The following PIGF variants were observed in gnomAD, a reference collection of about 807,000 sequenced individuals.
PIGF encodes the protein GPI ethanolamine phosphate transferase, stabilizing subunit.
Under a neutral mutation model 26.0 loss-of-function variants are expected in PIGF, and 23 were observed. The observed-to-expected ratio is 0.88, with a 90% confidence interval of 0.64 to 1.25. The LOEUF (loss-of-function observed/expected upper bound fraction) is 1.25. Ranked by LOEUF, PIGF falls within the 50% of genes most tolerant of loss-of-function variation. The pLI, the probability that PIGF is intolerant of heterozygous loss-of-function variation, is 0.00. For missense variants in PIGF, 278 were observed against 249.9 expected (o/e 1.11, Z -0.76); for synonymous variants, 93 against 92.6 (o/e 1.00, Z -0.03).
intron 1 of PIGF, chr2:46,615,676 C>CAGT (rs1670595057): frequency 6.4e-6 from 1 of 155,262 alleles, no homozygotes; most frequent in Non-Finnish European, 1.4e-5. Flanking sequence ...TCTAACATTA[C>CAGT]AGTAGTTCAC....
Position 46,610,676 on chromosome 2 carries a change from C to A in PIGF, c.437+1552G>T, listed in dbSNP as rs528630901. ...TCCCAAGTAGCTGGGACTACAGGCA[C>A]CCGCCACCACACCCAGCTAATTTTT... On this transcript the variant is annotated intron_variant, in intron 4 of 5. Transcript: ENST00000281382. Among the ~76,000 whole-genome samples, 10 of 152,006 alleles carry A rather than the reference C, an allele frequency of 6.6e-5. No homozygotes were observed. In the East Asian group the frequency reaches 1.7e-3, roughly 27 times the overall value.
At chr2:46,609,807 T>C (rs948782403) in intron 4 of PIGF, among the ~76,000 whole-genome samples, 2 of 152,128 alleles carry the variant, frequency 1.3e-5, no homozygotes, top group Admixed American at 6.6e-5. Flanking sequence ...GTATGAGCCA[T>C]GGTGCCCCAA....
intron 4 of PIGF, among the ~76,000 whole-genome samples, chr2:46,610,823 C>A (rs748850181): frequency 1.2e-4 from 18 of 152,200 alleles, no homozygotes; most frequent in Admixed American, 2.0e-4. Context: ...AGCCACCACA[C>A]TCGTCCCAAA....
In PIGF at chr2:46,589,677, CTA is replaced by C. The variant is rs1172330783; in HGVS notation, c.546+2796_546+2797del. Among the ~76,000 whole-genome samples the C allele has an allele frequency of 3.3e-5, 5 of 151,942 alleles. No homozygotes were observed. The highest frequency in any genetic ancestry group is 5.9e-5 in the Non-Finnish European group (4 of 67,910). Reference sequence around the variant, plus strand: ...GAACAAGAATCTCTTAATACATGTTCTATTTTAGATAATAAAGTGTATACTGT... The same window carrying C: ...GAACAAGAATCTCTTAATACATGTTCTTTTAGATAATAAAGTGTATACTGT... On this transcript the variant is annotated intron_variant, in intron 5 of 5. Transcript: ENST00000281382. The surrounding 1 kb of genome is among the most constrained non-coding windows in gnomAD (Gnocchi z 4.7).
intron 4 of PIGF, among the ~76,000 whole-genome samples, chr2:46,601,906 G>C (rs1180317629): frequency 6.6e-6 from 1 of 151,856 alleles, no homozygotes; most frequent in Non-Finnish European, 1.5e-5. Flanking sequence ...CACCAAAAGT[G>C]ATCAACTTCT....
chr2:46,593,945 C>T (rs567499360), intron 4 of PIGF, among the ~76,000 whole-genome samples: 26 of 152,344 alleles, frequency 1.7e-4, no homozygotes, highest in Non-Finnish European at 3.5e-4. Context: ...CCCAACTACA[C>T]AAGATAAGAG....
At chr2:46,613,305 TG>T (rs1299969301) in intron 3 of PIGF, among the ~76,000 whole-genome samples, 1 of 152,188 alleles carries the variant, frequency 6.6e-6, no homozygotes, top group Non-Finnish European at 1.5e-5. Context: ...AGGAATCTAT[TG>T]ACTTTTGTTA....
chr2:46,603,868 A>T (rs1192406785), intron 4 of PIGF, among the ~76,000 whole-genome samples: 1 of 152,122 alleles, frequency 6.6e-6, no homozygotes, highest in Non-Finnish European at 1.5e-5. Context: ...GAATCACATC[A>T]AGTTAAAAAG....
At chr2:46,587,531 T>C (rs1669614826) in intron 5 of PIGF, among the ~76,000 whole-genome samples, 1 of 152,328 alleles carries the variant, frequency 6.6e-6, no homozygotes, top group Admixed American at 6.5e-5. Context: ...AAAACAACTT[T>C]AAATTGTTTC....
chr2:46,590,469 G>A (rs1451702841), intron 5 of PIGF, among the ~76,000 whole-genome samples: 1 of 151,994 alleles, frequency 6.6e-6, no homozygotes, highest in African/African-American at 2.4e-5. Flanking sequence ...AAACAGAAAA[G>A]ACTTAAATTA....
rs187693057 is a variant in PIGF, at chr2:46,616,828, C to T, written c.-22+142G>A. On this transcript the variant is annotated intron_variant, in intron 1 of 5. Coordinates refer to ENST00000281382, the MANE Select transcript of PIGF (RefSeq NM_002643.4). ...CGGATCCGAAAGGGGGTCTGTCCAT[C>T]AGGGCACGCCGGAAGAGTGGCGCTG... The T allele has an allele frequency of 7.2e-4, 182 of 251,864 alleles. 1 individual carries two copies. The highest frequency in any genetic ancestry group is 3.9e-3 in the African/African-American group (167 of 43,180). 15.6% of individuals were successfully genotyped at this position (251,864 alleles called of 1,614,324 possible).
intron 1 of PIGF, chr2:46,616,329 G>C (rs1209382918): frequency 6.6e-6 from 1 of 152,252 alleles, no homozygotes; most frequent in Non-Finnish European, 1.5e-5. Context: ...AGCTGATTGA[G>C]GGAGGGCAAG....
In PIGF at chr2:46,581,585, G is replaced by A. The variant is rs1326891681; in HGVS notation, c.553C>T (p.Pro185Ser). ...GTCGCTCCAAGCGTACAGGAGATGG[G>A]CCATACCTGAGGAGAGAATGTATGA... ...LDWERPWQVWPISCTLGATFG... is the reference protein window; with the variant it reads ...LDWERPWQVWSISCTLGATFG... Residue 185 changes from proline (P) to serine (S), a missense_variant, in exon 6 of 6, where the codon CCC (proline) becomes TCC (serine). Coordinates refer to ENST00000281382, the MANE Select transcript of PIGF (RefSeq NM_002643.4). The A allele has an allele frequency of 6.2e-7, 1 of 1,611,004 alleles. No homozygotes were observed. The highest frequency in any genetic ancestry group is 8.5e-7 in the Non-Finnish European group (1 of 1,179,284).
chr2:46,581,486 T>G lies in PIGF; in HGVS notation c.652A>C (p.Asn218His). ...ATCTCCCTTTGCTCCAGTTAATTGTTCTTGTATGTAAGTTGCTTTCTATTC... is the reference window on the plus strand; with the variant it reads ...ATCTCCCTTTGCTCCAGTTAATTGTGCTTGTATGTAAGTTGCTTTCTATTC... ...YWNRKQLTYK[N>H]N Residue 218 changes from asparagine (N) to histidine (H), a missense_variant, in exon 6 of 6, where the codon AAC (asparagine) becomes CAC (histidine). By Grantham distance (68) the Asn-to-His change is moderately conservative. Transcript: ENST00000281382. The G allele has an allele frequency of 6.2e-7, 1 of 1,611,090 alleles. No individual in the cohort carries two copies. Among genetic ancestry groups the G allele is most frequent in the Non-Finnish European group, 8.5e-7 (1 of 1,179,332 alleles).
At chr2:46,609,368 C>G (rs932430825) in intron 4 of PIGF, among the ~76,000 whole-genome samples, 2 of 152,248 alleles carry the variant, frequency 1.3e-5, no homozygotes, top group Admixed American at 6.5e-5. Context: ...TTTGATCTTT[C>G]ATCCAGACCA....
At position 46,616,958 on chromosome 2, in the gene PIGF, A is replaced by G. The variant is rs981092150; in HGVS notation, c.-22+12T>C. 15 of 503,706 alleles carry G rather than the reference A, an allele frequency of 3.0e-5. No individual in the cohort carries two copies. Among genetic ancestry groups the G allele is most frequent in the Admixed American group, 1.4e-4 (4 of 27,720 alleles). The allele number at this position is 503,706 out of a possible 1,614,324, so 31.2% of individuals were successfully genotyped here. ...GTGAGGCGAGACGCCGAGGGCGTCC[A>G]GCGGGGCTTACCTAACTCTCCCTCC... On this transcript the variant is annotated intron_variant, in intron 1 of 5. Coordinates refer to ENST00000281382, the MANE Select transcript of PIGF (RefSeq NM_002643.4).
chr2:46,587,951 GT>G (rs1407587242), intron 5 of PIGF: 32 of 676,762 alleles, frequency 4.7e-5, no homozygotes, highest in Non-Finnish European at 8.8e-6. Flanking sequence ...GAATCATGGT[GT>G]AGTGGGGCTC....
At chr2:46,610,977 C>T (rs557913143) in intron 4 of PIGF, among the ~76,000 whole-genome samples, 12 of 152,330 alleles carry the variant, frequency 7.9e-5, no homozygotes, top group African/African-American at 2.9e-4. Context: ...TATCCATTCT[C>T]CTTGCACGAG....
intron 2 of PIGF, 33 bp downstream of exon 2, chr2:46,614,904 T>C (rs1251569563): frequency 2.0e-6 from 2 of 982,854 alleles, no homozygotes; most frequent in East Asian, 2.4e-5. Context: ...ACTAGCTCCA[T>C]CCAAAAATCA....
Sources: gnomAD v4.1 joint callset for allele counts (sites outside exome capture counted in the v4.1 genomes callset) on GRCh38, gnomAD v4.1.1 for gene constraint, Gnocchi (gnomAD v3.1) non-coding constraint, MANE v1.5 for transcripts, NCBI Gene and HGNC (gene_info 2026-07-23, HGNC 2026-07-21) for gene names.